Variants in DNAH3 observed in about 807,000 individuals in gnomAD.
DNAH3 encodes the protein dynein axonemal heavy chain 3, also known as axonemal beta dynein heavy chain 3.
A neutral mutation model predicts 432.5 loss-of-function variants in DNAH3; 332 were observed. The ratio of observed to expected loss-of-function variants is 0.77; its 90% CI spans 0.70 to 0.84. DNAH3 has a LOEUF of 0.84. Among genes scored for constraint, DNAH3 ranks in the 40% least tolerant of loss-of-function variants. The probability of loss-of-function intolerance (pLI) is 0.00; values close to 1 mark genes in which losing one functional copy is unlikely to be tolerated. For synonymous variants in DNAH3, 1,956 were observed against 1,900.2 expected, an observed-to-expected ratio of 1.03 and a Z score of -0.76; for missense variants, 4,861 against 5,114.0, an observed-to-expected ratio of 0.95 and a Z score of 1.51.
At chr16:20,941,268 C>G in intron 59 of DNAH3, 133 bp downstream of exon 59, 1 of 994,456 alleles carries the variant, frequency 1.0e-6, no homozygotes, top group Non-Finnish European at 1.5e-6. Flanking sequence ...CTATTCACAG[C>G]CCCTATTCAC....
At chr16:21,039,304 C>T (rs1220739658) in intron 33 of DNAH3, among the ~76,000 whole-genome samples, 3 of 150,350 alleles carry the variant, frequency 2.0e-5, no homozygotes, top group African/African-American at 7.4e-5. Flanking sequence ...CTGCAGCCTC[C>T]GCCTCCACGG....
chr16:21,038,655 C>T (rs959061352), intron 33 of DNAH3, among the ~76,000 whole-genome samples: 3 of 152,212 alleles, frequency 2.0e-5, no homozygotes, highest in Non-Finnish European at 4.4e-5. Context: ...CAAGGAGATC[C>T]TCTTTACAGA....
chr16:21,036,574 C>T (rs895559146), intron 35 of DNAH3, 140 bp downstream of exon 35: 10 of 798,462 alleles, frequency 1.3e-5, no homozygotes, highest in African/African-American at 1.2e-4. Flanking sequence ...GCCATTACGC[C>T]CAGCTAATGT....
intron 42 of DNAH3, among the ~76,000 whole-genome samples, chr16:21,001,986 TC>T (rs2087042981): frequency 6.6e-6 from 1 of 152,180 alleles, no homozygotes; most frequent in South Asian, 2.1e-4. Flanking sequence ...GTGACTAAGC[TC>T]TTTTTGGAGA....
chr16:21,067,307 T>G, exon 24 of DNAH3: 1 of 1,614,026 alleles, frequency 6.2e-7, no homozygotes, highest in Non-Finnish European at 8.5e-7. Flanking sequence ...TCTCTTCTTC[T>G]CCAAGTAATC....
chr16:21,011,390 G>C (rs2087595556), intron 41 of DNAH3, among the ~76,000 whole-genome samples: 2 of 152,136 alleles, frequency 1.3e-5, no homozygotes, highest in South Asian at 4.1e-4. Context: ...ACCCAGGCTG[G>C]AGTGCAGTGG....
At chr16:21,097,266 T>C in intron 18 of DNAH3, 89 bp downstream of exon 18, 1 of 1,495,982 alleles carries the variant, frequency 6.7e-7, no homozygotes, top group Middle Eastern at 2.4e-4. Flanking sequence ...TCCAGCCAGA[T>C]TCTTAAGTGC....
intron 58 of DNAH3, 23 bp downstream of exon 58, chr16:20,944,473 C>A (rs376616814): frequency 1.2e-6 from 2 of 1,609,608 alleles, no homozygotes; most frequent in Non-Finnish European, 8.5e-7. Flanking sequence ...TAGGATTAAG[C>A]CCCCTTTCCC....
At chr16:21,146,123 A>T (rs775059276) in intron 1 of DNAH3, 35 bp from the exon 3 acceptor site, 3 of 1,454,930 alleles carry the variant, frequency 2.1e-6, no homozygotes, top group Non-Finnish European at 2.9e-6. Flanking sequence ...CCCTTCAAAA[A>T]TTAGGGAAGA....
intron 26 of DNAH3, among the ~76,000 whole-genome samples, chr16:21,059,703 AGGT>A (rs2090275728): frequency 6.6e-6 from 1 of 150,874 alleles, no homozygotes; most frequent in African/African-American, 2.4e-5. Flanking sequence ...TGAACCCAGG[AGGT>A]GGAGGTTGCA....
chr16:20,987,902 C>G, intron 45 of DNAH3, 40 bp downstream of exon 45: 1 of 1,613,958 alleles, frequency 6.2e-7, no homozygotes, highest in Non-Finnish European at 8.5e-7. Context: ...AAACTGAGAA[C>G]CCCCAGCCCA....
rs1341798071 is a variant in DNAH3, at chr16:20,959,424, A to G, written c.10601-20T>C. ...GCAGGCCTGAGACCAGGAAGAAAGG[A>G]GGCTTTTGAAAGACGACAGGCCAGC... is the stretch of plus-strand genomic sequence containing the variant. On this transcript the variant is annotated intron_variant, in intron 53 of 61. Transcript: ENST00000261383. 6.2e-7 allele frequency: 1 copy of G among 1,604,972 alleles called. No homozygotes were observed. Among genetic ancestry groups the G allele is most frequent in the Admixed American group, 1.7e-5 (1 of 59,734 alleles).
At chr16:21,054,459 G>C (rs778730326) in exon 28 of DNAH3, 3 of 1,614,118 alleles carry the variant, frequency 1.9e-6, no homozygotes, top group East Asian at 4.5e-5. Context: ...AGAGTGAGTC[G>C]AGCTCCACTG....
intron 31 of DNAH3, among the ~76,000 whole-genome samples, chr16:21,045,302 C>T (rs1317639752): frequency 6.6e-6 from 1 of 151,646 alleles, no homozygotes; most frequent in Non-Finnish European, 1.5e-5. Flanking sequence ...TCCATCTGGT[C>T]CTGGACTCTT....
exon 52 of DNAH3, chr16:20,969,816 T>C (rs1262330094): frequency 6.2e-7 from 1 of 1,614,134 alleles, no homozygotes; most frequent in South Asian, 1.1e-5. Context: ...TCTGGCTTCC[T>C]CTCTGGCTTC....
At chr16:21,085,239 A>T (rs1384532814) in intron 19 of DNAH3, among the ~76,000 whole-genome samples, 2 of 151,858 alleles carry the variant, frequency 1.3e-5, no homozygotes, top group Non-Finnish European at 2.9e-5. Context: ...CAATTAATTA[A>T]AATTACAATT....
At chr16:21,125,244 C>T (rs1255817243) in exon 9 of DNAH3, 2 of 1,613,906 alleles carry the variant, frequency 1.2e-6, no homozygotes, top group Admixed American at 3.3e-5. Flanking sequence ...GCTGCAGCGA[C>T]ATGAATGATG....
intron 55 of DNAH3, 145 bp from the exon 56 acceptor site, chr16:20,952,694 C>G (rs762735814): frequency 1.7e-6 from 1 of 595,742 alleles, no homozygotes; most frequent in Non-Finnish European, 3.1e-6. Flanking sequence ...CAACTATTAG[C>G]CTGGACGTTT....
At chr16:20,969,443 T>C (rs2085229190) in intron 52 of DNAH3, among the ~76,000 whole-genome samples, 1 of 152,190 alleles carries the variant, frequency 6.6e-6, no homozygotes, top group African/African-American at 2.4e-5. Flanking sequence ...TCTCTCTCTC[T>C]CTGTAGCTCT....
Sources: gnomAD v4.1 joint callset for allele counts (sites outside exome capture counted in the v4.1 genomes callset) on GRCh38, gnomAD v4.1.1 for gene constraint, MANE v1.5 for transcripts, NCBI Gene and HGNC (gene_info 2026-07-23, HGNC 2026-07-21) for gene names.